The following GRIK4 variants were observed in gnomAD, a reference collection of about 807,000 sequenced individuals.
The protein encoded by GRIK4 is glutamate receptor ionotropic, kainate 4.
GRIK4 carries 40 observed loss-of-function variants against 104.9 expected under a neutral mutation model. That is an observed-to-expected ratio of 0.38 (90% CI 0.30 to 0.50). The LOEUF (loss-of-function observed/expected upper bound fraction) is 0.50, where lower values mean the gene tolerates loss of function less well. Ranked by LOEUF, GRIK4 falls within the 20% of genes least tolerant of loss-of-function variation. GRIK4 has a pLI of 0.93. For missense variants in GRIK4, 1,047 were observed against 1,308.1 expected (o/e 0.80, Z 3.08); for synonymous variants, 485 against 524.9 (o/e 0.92, Z 1.04).
At chr11:120,931,555 G>A (rs557261399) in intron 13 of GRIK4, among the ~76,000 whole-genome samples, 1 of 152,186 alleles carries the variant, frequency 6.6e-6, no homozygotes, top group African/African-American at 2.4e-5. Context: ...GCCAAATTAC[G>A]TGGGTTTGAA....
chr11:120,925,665 C>A (rs1943327924), intron 13 of GRIK4, among the ~76,000 whole-genome samples: 1 of 152,052 alleles, frequency 6.6e-6, no homozygotes, highest in Non-Finnish European at 1.5e-5. Context: ...ATAAAGGGTG[C>A]ATTTGGGTTA....
chr11:120,868,884 G>T (rs1490360958), intron 9 of GRIK4: 1 of 152,172 alleles, frequency 6.6e-6, no homozygotes, highest in Non-Finnish European at 1.5e-5. Context: ...CACTGTGTCC[G>T]GCCAGGAGGG....
At position 120,575,845 on chromosome 11, in the gene GRIK4, C is replaced by T. The variant is rs569887479; in HGVS notation, c.-159+63958C>T. 6.6e-5 allele frequency: 10 copies of T among 152,222 alleles called. No homozygotes were observed. In the East Asian group the frequency reaches 1.9e-3, roughly 29 times the overall value. The allele number at this position is 152,222 out of a possible 1,614,324, so 9.4% of individuals were successfully genotyped here. A position where few individuals can be genotyped will look rare whatever the true frequency, so the allele number is the denominator to read the frequency against. On this transcript the variant is annotated intron_variant, in intron 1 of 20. Transcript: ENST00000527524. Reference sequence around the variant, plus strand: ...AGGCGTGGTAGCATGTGCCTGTAATCCCAGTGCTTTGGGACACCGAGGCAG... The same window carrying T: ...AGGCGTGGTAGCATGTGCCTGTAATTCCAGTGCTTTGGGACACCGAGGCAG...
rs553770078 is a variant in GRIK4 at position 120,793,391 on chromosome 11, C to A, written c.83-9302C>A. On this transcript the variant is annotated intron_variant, in intron 3 of 20. Transcript: ENST00000527524. Reference sequence around the variant, plus strand: ...GGCCTTGACTGTTAGCACAGGGGAGCCAGCAGGCCTCGGGAGAGGCTGAAG... The same window carrying A: ...GGCCTTGACTGTTAGCACAGGGGAGACAGCAGGCCTCGGGAGAGGCTGAAG... Among the ~76,000 whole-genome samples the A allele has an allele frequency of 1.5e-4, 23 of 152,080 alleles. No homozygotes were observed. The East Asian group carries it at 4.3e-3, about 28-fold the overall frequency.
At chr11:120,898,216 A>T (rs1394652701) in intron 11 of GRIK4, among the ~76,000 whole-genome samples, 1 of 152,208 alleles carries the variant, frequency 6.6e-6, no homozygotes, top group Non-Finnish European at 1.5e-5. Flanking sequence ...AAATAATGTG[A>T]TTCCACATGT....
At chr11:120,797,593 C>T (rs1361200276) in intron 3 of GRIK4, among the ~76,000 whole-genome samples, 2 of 152,142 alleles carry the variant, frequency 1.3e-5, no homozygotes, top group East Asian at 3.9e-4. Context: ...CCTAGTTATT[C>T]TGATCCTCAT....
In GRIK4 at chr11:120,952,758, GACCCAC is replaced by G. The variant is rs1944032853; in HGVS notation, c.1591-94_1591-89del. 2 of 817,334 alleles carry G rather than the reference GACCCAC, an allele frequency of 2.4e-6. No individual in the cohort carries two copies. Among genetic ancestry groups the G allele is most frequent in the Non-Finnish European group, 4.3e-6 (2 of 460,604 alleles). 50.6% of individuals were successfully genotyped at this position (817,334 alleles called of 1,614,324 possible). On this transcript the variant is annotated intron_variant, in intron 14 of 20. Coordinates refer to ENST00000527524, the MANE Select transcript of GRIK4 (RefSeq NM_014619.5). This position sits in a 1 kb window ranked among gnomAD's most constrained non-coding sequence, Gnocchi z 5.2. ...CCCACAGAAATGGGAACTGGGGCCA[GACCCAC>G]ACTCACTACCTCCTCTACCCCGCCC...
In GRIK4 at chr11:120,580,209, TTCTTTCTTTC is replaced by T. The variant is rs1276695083; in HGVS notation, c.-159+68324_-159+68333del. Among the ~76,000 whole-genome samples, 910 of 120,268 alleles carry T rather than the reference TTCTTTCTTTC, an allele frequency of 7.6e-3. 11 individuals carry two copies. The highest frequency in any genetic ancestry group is 0.032 in the African/African-American group (766 of 24,016). The allele number at this position is 120,268 out of a possible 152,430, so 78.9% of individuals were successfully genotyped here. A position where few individuals can be genotyped will look rare whatever the true frequency, so the allele number is the denominator to read the frequency against. On this transcript the variant is annotated intron_variant, in intron 1 of 20. Transcript: ENST00000527524. ...TTGAGTACAAGGGTTCTTTCTTTCTTTCTTTCTTTCTTTCTTTCTTTCTTTCTTTCTTTCT... is the reference window on the plus strand; with the variant it reads ...TTGAGTACAAGGGTTCTTTCTTTCTTTTTCTTTCTTTCTTTCTTTCTTTCT...
chr11:120,658,727 CTTTTTTTTTTTTTTTTTTTTTTTT>C (rs71050753), intron 2 of GRIK4, among the ~76,000 whole-genome samples: 38 of 56,746 alleles, frequency 6.7e-4, no homozygotes, highest in Admixed American at 1.5e-3. Flanking sequence ...GAGGACGAAA[CTTTTTTTTTTTTTTTTTTTTTTTT>C]TTTTTTTTTT....
chr11:120,861,036 C>T (rs1324064279), intron 8 of GRIK4, among the ~76,000 whole-genome samples: 4 of 150,924 alleles, frequency 2.7e-5, no homozygotes, highest in Non-Finnish European at 2.9e-5. Flanking sequence ...AGCTCCTGGG[C>T]CTCAGCTCCC....
chr11:120,687,571 A>G (rs1261503760), intron 3 of GRIK4, among the ~76,000 whole-genome samples: 1 of 151,898 alleles, frequency 6.6e-6, no homozygotes, highest in Non-Finnish European at 1.5e-5. Flanking sequence ...TGGCCATATG[A>G]TCCTGTAGTT....
rs751433660 is a variant in GRIK4, at chr11:120,874,189, G to T, written c.1030G>T (p.Gly344Cys). Residue 344 changes from glycine (G) to cysteine (C), a missense_variant, in exon 10 of 21, where the codon GGC becomes TGC. Transcript: ENST00000527524. ...SCGSAQIWQH[G>C]TSLMNYLRMV... is the part of the protein sequence containing the mutation. ...CGGCTCGGCCCAGATCTGGCAGCAC[G>T]GCACCAGCCTCATGAACTACCTGCG... 1 of 1,612,928 alleles carries T rather than the reference G, an allele frequency of 6.2e-7. No homozygotes were observed. Among genetic ancestry groups the T allele is most frequent in the East Asian group, 2.2e-5 (1 of 44,852 alleles).
intron 1 of GRIK4, among the ~76,000 whole-genome samples, chr11:120,653,097 T>G (rs547988991): frequency 3.2e-4 from 48 of 152,370 alleles, no homozygotes; most frequent in South Asian, 1.2e-3. Context: ...ATTCATTCAT[T>G]CATGCATGCA....
intron 3 of GRIK4, among the ~76,000 whole-genome samples, chr11:120,779,072 T>C (rs1158394541): frequency 6.6e-6 from 1 of 151,938 alleles, no homozygotes; most frequent in Non-Finnish European, 1.5e-5. Context: ...AGGACCTCAG[T>C]TGTGGGTTCA....
At chr11:120,761,276 C>T (rs766828496) in intron 3 of GRIK4, among the ~76,000 whole-genome samples, 1 of 152,130 alleles carries the variant, frequency 6.6e-6, no homozygotes, top group Non-Finnish European at 1.5e-5. Flanking sequence ...ATATCCTTCG[C>T]CCACTTTTTG....
At chr11:120,542,353 A>G (rs1168474700) in intron 1 of GRIK4, among the ~76,000 whole-genome samples, 2 of 152,250 alleles carry the variant, frequency 1.3e-5, no homozygotes, top group East Asian at 1.9e-4. Flanking sequence ...TAAAAATCCT[A>G]AAAGAAAACA....
Position 120,802,804 on chromosome 11 carries a change from A to G in GRIK4, c.194A>G (p.Glu65Gly). ...APERLGKAKV[E>G]VDIFELLRDS... Reference sequence around the variant, plus strand: ...GAGAGGCTGGGCAAGGCCAAGGTCGAAGTGGACATCTTTGAGCTTCTCAGA... The same window carrying G: ...GAGAGGCTGGGCAAGGCCAAGGTCGGAGTGGACATCTTTGAGCTTCTCAGA... The change falls in exon 4 of 21, where the codon GAA becomes GGA. Residue 65 changes from glutamate to glycine, a missense_variant. This residue lies in a region of GRIK4 where 447 missense variants were observed against 514.9 expected (regional missense o/e 0.87). Transcript: ENST00000527524. 2 of 1,614,216 alleles carry G rather than the reference A, an allele frequency of 1.2e-6. No individual in the cohort carries two copies. Among genetic ancestry groups the G allele is most frequent in the Non-Finnish European group, 1.7e-6 (2 of 1,180,034 alleles).
chr11:120,691,819 G>A (rs1003092175), intron 3 of GRIK4, among the ~76,000 whole-genome samples: 1 of 152,204 alleles, frequency 6.6e-6, no homozygotes, highest in Non-Finnish European at 1.5e-5. Flanking sequence ...TGTGCCTGCT[G>A]ATCCCCTGCC....
chr11:120,857,619 G>A (rs2135619288), intron 8 of GRIK4, among the ~76,000 whole-genome samples: 1 of 152,274 alleles, frequency 6.6e-6, no homozygotes, highest in Non-Finnish European at 1.5e-5. Flanking sequence ...GCAATTCACA[G>A]AGGACAGTCA....
Sources: allele counts gnomAD v4.1 joint callset (sites outside exome capture counted in the v4.1 genomes callset), GRCh38; gene constraint gnomAD v4.1.1; regional missense constraint gnomAD v4.1.1; non-coding constraint Gnocchi (gnomAD v3.1); transcripts MANE v1.5; gene names NCBI Gene and HGNC (gene_info 2026-07-23, HGNC 2026-07-21).